STPG2: variants seen among roughly 807,000 people sequenced by gnomAD.
STPG2 encodes the protein sperm-tail PG-rich repeat-containing protein 2.
In STPG2, 56 loss-of-function variants were observed where a neutral mutation model predicts 54.2. The ratio of observed to expected loss-of-function variants is 1.03; its 90% CI spans 0.83 to 1.29. The LOEUF (loss-of-function observed/expected upper bound fraction) is 1.29. Among genes scored for constraint, STPG2 ranks in the 50% most tolerant of loss-of-function variants. The pLI is 0.00. For synonymous variants in STPG2, 200 were observed against 181.8 expected, an observed-to-expected ratio of 1.10 and a Z score of -0.81; for missense variants, 596 against 544.9, an observed-to-expected ratio of 1.09 and a Z score of -0.93.
chr4:97,513,630 C>T (rs1731017557), intron 4 of STPG2, among the ~76,000 whole-genome samples: 1 of 152,044 alleles, frequency 6.6e-6, no homozygotes, highest in African/African-American at 2.4e-5. Flanking sequence ...TGCACATATA[C>T]ATATATATCT....
chr4:97,773,558 CA>C (rs1416851185), intron 9 of STPG2, among the ~76,000 whole-genome samples: 3 of 152,090 alleles, frequency 2.0e-5, no homozygotes. Flanking sequence ...GTAATCTCCC[CA>C]CCTCAGCCTT....
intron 5 of STPG2, among the ~76,000 whole-genome samples, chr4:98,074,557 A>G (rs1477570393): frequency 6.6e-6 from 1 of 152,118 alleles, no homozygotes; most frequent in African/African-American, 2.4e-5. Flanking sequence ...GACTCTAATT[A>G]CACATATGTT....
At chr4:97,886,997 A>G (rs1054976936) in intron 8 of STPG2, among the ~76,000 whole-genome samples, 2 of 152,134 alleles carry the variant, frequency 1.3e-5, no homozygotes, top group Non-Finnish European at 1.5e-5. Context: ...TTCCACCAGG[A>G]TCGTAAGTTT....
intron 7 of STPG2, among the ~76,000 whole-genome samples, chr4:97,962,637 T>A (rs1733930631): frequency 1.3e-5 from 2 of 152,192 alleles, no homozygotes; most frequent in Admixed American, 1.3e-4. Context: ...ATTTACTGAG[T>A]CCTTACTGTG....
At chr4:97,570,920 C>T (rs1203016137) in intron 10 of STPG2, among the ~76,000 whole-genome samples, 1 of 151,998 alleles carries the variant, frequency 6.6e-6, no homozygotes, top group East Asian at 1.9e-4. Flanking sequence ...TTGTGTTAAT[C>T]AGTCTTTCGT....
intron 3 of STPG2, among the ~76,000 whole-genome samples, chr4:98,126,097 C>CCTG (rs978995081): frequency 3.3e-5 from 5 of 152,220 alleles, no homozygotes; most frequent in African/African-American, 7.2e-5. Context: ...CAGTCTCCAG[C>CCTG]CTGCTGCTGC....
chr4:97,723,319 G>A (rs532426689), intron 9 of STPG2, among the ~76,000 whole-genome samples: 1 of 151,818 alleles, frequency 6.6e-6, no homozygotes, highest in Non-Finnish European at 1.5e-5. Context: ...AGACACTGAG[G>A]ACTCCAAAAG....
intron 10 of STPG2, among the ~76,000 whole-genome samples, chr4:97,567,866 G>A (rs1414475063): frequency 6.6e-6 from 1 of 152,136 alleles, no homozygotes; most frequent in Non-Finnish European, 1.5e-5. Flanking sequence ...ATATAGATAT[G>A]TGCATTTAAC....
At chr4:97,802,627 C>T (rs1269738780) in intron 9 of STPG2, among the ~76,000 whole-genome samples, 1 of 152,114 alleles carries the variant, frequency 6.6e-6, no homozygotes, top group Non-Finnish European at 1.5e-5. Flanking sequence ...CCCACCACCA[C>T]ACCCGGCTAG....
chr4:97,585,794 T>G lies in STPG2; in HGVS notation c.1321-26677A>C, dbSNP rs1260674701. On this transcript the variant is annotated intron_variant, in intron 10 of 10. Coordinates refer to ENST00000295268, the MANE Select transcript of STPG2 (RefSeq NM_174952.3). ...TGTAACACTGCAAAGCATCTAAAAA[T>G]TAAACTGTTATTAGAGCCTTAACCC... Among the ~76,000 whole-genome samples the G allele has an allele frequency of 4.6e-5, 7 of 151,864 alleles. No homozygotes were observed. In the South Asian group the frequency reaches 1.2e-3, roughly 27 times the overall value.
chr4:97,785,224 T>C (rs1002729813), intron 9 of STPG2, among the ~76,000 whole-genome samples: 2 of 152,042 alleles, frequency 1.3e-5, no homozygotes, highest in African/African-American at 2.4e-5. Context: ...AAATTTGGCA[T>C]ATATTTAAAA....
At chr4:97,768,614 C>T (rs911666045) in intron 9 of STPG2, among the ~76,000 whole-genome samples, 1 of 152,154 alleles carries the variant, frequency 6.6e-6, no homozygotes, top group African/African-American at 2.4e-5. Context: ...TTTTGGCCCT[C>T]TGATGTCAAA....
At chr4:97,961,380 C>T (rs556687055) in intron 7 of STPG2, among the ~76,000 whole-genome samples, 1 of 152,114 alleles carries the variant, frequency 6.6e-6, no homozygotes, top group Non-Finnish European at 1.5e-5. Flanking sequence ...AACTGAAGAG[C>T]TTTTGTATGG....
intron 6 of STPG2, among the ~76,000 whole-genome samples, chr4:97,973,506 C>T (rs915734163): frequency 2.0e-5 from 3 of 152,214 alleles, no homozygotes; most frequent in Admixed American, 1.3e-4. Flanking sequence ...TTCAAGCTGG[C>T]TGCAGAAATT....
chr4:97,783,924 G>C (rs1016917903), intron 9 of STPG2, among the ~76,000 whole-genome samples: 5 of 152,050 alleles, frequency 3.3e-5, no homozygotes, highest in Admixed American at 2.6e-4. Context: ...GTCATGGGGT[G>C]GGGGGAGAGG....
intron 10 of STPG2, among the ~76,000 whole-genome samples, chr4:97,612,005 G>C (rs1292213385): frequency 3.3e-5 from 5 of 151,480 alleles, no homozygotes; most frequent in Admixed American, 3.3e-4. Context: ...ATTCAAGTAA[G>C]TTATAAAATA....
At chr4:97,693,007 T>A (rs1302057345) in intron 10 of STPG2, among the ~76,000 whole-genome samples, 1 of 152,122 alleles carries the variant, frequency 6.6e-6, no homozygotes, top group Admixed American at 6.5e-5. Flanking sequence ...TGAGAGAATT[T>A]GCCACTACTA....
chr4:97,477,703 G>A (rs1162161061), intron 4 of STPG2, among the ~76,000 whole-genome samples: 1 of 150,910 alleles, frequency 6.6e-6, no homozygotes, highest in Non-Finnish European at 1.5e-5. Context: ...TGTTAGCCAC[G>A]ATGGTCTCAA....
intron 9 of STPG2, among the ~76,000 whole-genome samples, chr4:97,728,620 C>A (rs1473538525): frequency 6.6e-6 from 1 of 151,516 alleles, no homozygotes; most frequent in Non-Finnish European, 1.5e-5. Context: ...TTATTTGGCC[C>A]AGAAAGAGAG....
Sources: allele counts gnomAD v4.1 joint callset (sites outside exome capture counted in the v4.1 genomes callset), GRCh38; gene constraint gnomAD v4.1.1; transcripts MANE v1.5; gene names NCBI Gene and HGNC (gene_info 2026-07-23, HGNC 2026-07-21).